Variants in LRP5 observed in about 807,000 individuals in gnomAD.
The protein encoded by LRP5 is low-density lipoprotein receptor-related protein 5.
Under a neutral mutation model 154.1 loss-of-function variants are expected in LRP5, and 62 were observed. The observed-to-expected ratio is 0.40, with a 90% CI of 0.33 to 0.50. The LOEUF is 0.50. Among genes scored for constraint, LRP5 ranks in the 20% least tolerant of loss-of-function variants. The pLI, the probability that LRP5 is intolerant of heterozygous loss-of-function variation, is 0.55. For missense variants in LRP5, 1,915 were observed against 2,336.7 expected, an observed-to-expected ratio of 0.82 and a Z score of 3.72; for synonymous variants, 966 against 1,011.5, an observed-to-expected ratio of 0.96 and a Z score of 0.85.
chr11:68,329,718 TC>T (rs770536822), intron 1 of LRP5, among the ~76,000 whole-genome samples: 2 of 152,036 alleles, frequency 1.3e-5, no homozygotes, highest in African/African-American at 2.4e-5. Context: ...TACTCAACTG[TC>T]CCAAGGAGAG....
At chr11:68,337,488 A>G (rs765092675) in intron 1 of LRP5, among the ~76,000 whole-genome samples, 11 of 152,178 alleles carry the variant, frequency 7.2e-5, no homozygotes, top group African/African-American at 1.2e-4. Context: ...GGCATGCTCA[A>G]CATTCACCAA....
At chr11:68,334,388 A>G (rs181332395) in intron 1 of LRP5, among the ~76,000 whole-genome samples, 2 of 152,330 alleles carry the variant, frequency 1.3e-5, no homozygotes, top group African/African-American at 4.8e-5. Flanking sequence ...GAAGCTGGTT[A>G]TGGAGCTAAT....
At chr11:68,329,343 G>A (rs2098601461) in intron 1 of LRP5, among the ~76,000 whole-genome samples, 1 of 152,136 alleles carries the variant, frequency 6.6e-6, no homozygotes, top group African/African-American at 2.4e-5. Context: ...TGTGGGCTGG[G>A]GGCCATCCCT....
At chr11:68,372,391 T>TGTGGCGGC (rs2098634615) in intron 5 of LRP5, among the ~76,000 whole-genome samples, 1 of 4,746 alleles carries the variant, frequency 2.1e-4, no homozygotes, top group Admixed American at 2.4e-3. Flanking sequence ...GTGGTGGTGT[T>TGTGGCGGC]GAGGAGGTGC....
chr11:68,331,372 C>G (rs1439632725), intron 1 of LRP5, among the ~76,000 whole-genome samples: 1 of 152,252 alleles, frequency 6.6e-6, no homozygotes, highest in Non-Finnish European at 1.5e-5. Context: ...GAGCCTTCGG[C>G]CAGTTCCCTT....
At chr11:68,421,734 TG>T (rs2098665850) in intron 13 of LRP5, among the ~76,000 whole-genome samples, 2 of 135,156 alleles carry the variant, frequency 1.5e-5, no homozygotes, top group Non-Finnish European at 3.2e-5. Context: ...GGTGTGTGTG[TG>T]GTGTGTGTGT....
intron 1 of LRP5, among the ~76,000 whole-genome samples, chr11:68,318,799 C>G (rs966326721): frequency 6.6e-6 from 1 of 152,316 alleles, no homozygotes; most frequent in Admixed American, 6.5e-5. Flanking sequence ...CCACTCCACC[C>G]CATTGCAAGA....
At chr11:68,373,052 T>C (rs2098635178) in intron 5 of LRP5, among the ~76,000 whole-genome samples, 1 of 151,168 alleles carries the variant, frequency 6.6e-6, no homozygotes, top group African/African-American at 2.4e-5. Flanking sequence ...AAGGGAGGAC[T>C]GTGTGGGGCA....
At chr11:68,372,104 G>A (rs114718810) in intron 5 of LRP5, among the ~76,000 whole-genome samples, 1 of 152,234 alleles carries the variant, frequency 6.6e-6, no homozygotes, top group Admixed American at 6.5e-5. Context: ...GGGAGGCATT[G>A]TGAGTGATGT....
chr11:68,435,063 C>G (rs1239427020), intron 18 of LRP5, among the ~76,000 whole-genome samples: 1 of 152,202 alleles, frequency 6.6e-6, no homozygotes, highest in Non-Finnish European at 1.5e-5. Flanking sequence ...ACAGCCATGC[C>G]CATTCATTCA....
At chr11:68,358,896 T>C (rs1301974782) in intron 3 of LRP5, among the ~76,000 whole-genome samples, 1 of 152,186 alleles carries the variant, frequency 6.6e-6, no homozygotes, top group Non-Finnish European at 1.5e-5. Context: ...CCTGCACTAG[T>C]GGAGCTCCTG....
intron 7 of LRP5, among the ~76,000 whole-genome samples, chr11:68,399,614 C>A (rs879518578): frequency 6.6e-6 from 1 of 152,226 alleles, no homozygotes; most frequent in Non-Finnish European, 1.5e-5. Context: ...TCTGTTTTGG[C>A]TCTGTTCCCT....
At chr11:68,341,820 G>C (rs1029856391) in intron 1 of LRP5, among the ~76,000 whole-genome samples, 2 of 151,834 alleles carry the variant, frequency 1.3e-5, no homozygotes, top group African/African-American at 4.8e-5. Flanking sequence ...CCATTTCCCT[G>C]ATCTGCAGCG....
intron 22 of LRP5, 140 bp from the exon 23 acceptor site, chr11:68,448,669 G>T: frequency 9.8e-7 from 1 of 1,016,270 alleles, no homozygotes; most frequent in South Asian, 1.3e-5. Flanking sequence ...GCGACACAGC[G>T]GGGTGGGTCC....
intron 5 of LRP5, among the ~76,000 whole-genome samples, chr11:68,385,878 A>G (rs2098642698): frequency 6.6e-6 from 1 of 152,080 alleles, no homozygotes; most frequent in African/African-American, 2.4e-5. Context: ...CAAGGTGGGC[A>G]TGCTGGGGAC....
Position 68,403,711 on chromosome 11 carries a change from G to A in LRP5, c.1801+12G>A. ...GGCCAAGGTCGTCGGTGAGTCCGGGGGGTCCCAAGCCATGGCTCAGCCATG... is the reference window on the plus strand; with the variant it reads ...GGCCAAGGTCGTCGGTGAGTCCGGGAGGTCCCAAGCCATGGCTCAGCCATG... On this transcript the variant is annotated intron_variant, in intron 8 of 22. Coordinates refer to ENST00000294304, the MANE Select transcript of LRP5 (RefSeq NM_002335.4). The A allele has an allele frequency of 6.2e-7, 1 of 1,612,726 alleles. No homozygotes were observed. The highest frequency in any genetic ancestry group is 1.3e-5 in the African/African-American group (1 of 75,014).
intron 5 of LRP5, among the ~76,000 whole-genome samples, chr11:68,379,651 G>T (rs1157099525): frequency 6.6e-6 from 1 of 152,210 alleles, no homozygotes; most frequent in Non-Finnish European, 1.5e-5. Context: ...TTTTGGTGTT[G>T]TCCCTATTGA....
chr11:68,379,057 T>A (rs528478559), intron 5 of LRP5, among the ~76,000 whole-genome samples: 166 of 151,488 alleles, frequency 1.1e-3, no homozygotes, highest in East Asian at 4.6e-3. Context: ...AAAAAAAAAA[T>A]AAAAATAAAA....
At chr11:68,446,607 G>A in intron 22 of LRP5, 74 bp downstream of exon 22, 2 of 1,284,140 alleles carry the variant, frequency 1.6e-6, no homozygotes, top group East Asian at 4.6e-5. Flanking sequence ...TAATCCCCAT[G>A]CCACTGATGA....
Sources: gnomAD v4.1 joint callset for allele counts (sites outside exome capture counted in the v4.1 genomes callset) on GRCh38, gnomAD v4.1.1 for gene constraint, MANE v1.5 for transcripts, NCBI Gene and HGNC (gene_info 2026-07-23, HGNC 2026-07-21) for gene names.